The following ZNF512B variants were observed in gnomAD, a reference collection of about 807,000 sequenced individuals.
ZNF512B encodes the protein zinc finger protein 512B.
In ZNF512B, 22 loss-of-function variants were observed where a neutral mutation model predicts 87.8. That is an observed-to-expected ratio of 0.25 (90% CI 0.18 to 0.36). ZNF512B has a LOEUF of 0.36. Among genes scored for constraint, ZNF512B ranks in the 10% least tolerant of loss-of-function variants. The pLI is 1.00. For missense variants in ZNF512B, 1,060 were observed against 1,231.6 expected (o/e 0.86, Z 2.09); for synonymous variants, 524 against 490.9 (o/e 1.07, Z -0.89).
rs931893559 is a variant in ZNF512B at position 63,959,186 on chromosome 20, G to A, written c.*702C>T. ...CAAAACCCCTCCCTTGCCCCAAGCTGGGAGAATTACAGACAGGCCTGGGGG... is the reference window on the plus strand; with the variant it reads ...CAAAACCCCTCCCTTGCCCCAAGCTAGGAGAATTACAGACAGGCCTGGGGG... On this transcript the variant is annotated 3_prime_UTR_variant, in exon 17 of 17. Coordinates refer to ENST00000369888, the MANE Select transcript of ZNF512B (RefSeq NM_020713.3). The A allele has an allele frequency of 6.5e-6, 1 of 152,948 alleles. No individual in the cohort carries two copies. Among genetic ancestry groups the A allele is most frequent in the African/African-American group, 2.4e-5 (1 of 41,466 alleles). The allele number at this position is 152,948 out of a possible 1,614,324, so 9.5% of individuals were successfully genotyped here. A position where few individuals can be genotyped will look rare whatever the true frequency, so the allele number is the denominator to read the frequency against.
In ZNF512B at chr20:63,963,339, G is replaced by A; in HGVS notation, c.1797+3C>T. Reference sequence around the variant, plus strand: ...CCCCACACTGCCGCGGCCCCCCACTGACCTCCTGGGGGCAGCGCAGCCGTC... The same window carrying A: ...CCCCACACTGCCGCGGCCCCCCACTAACCTCCTGGGGGCAGCGCAGCCGTC... On this transcript the variant is annotated splice_donor_region_variant and intron_variant, in intron 11 of 16. Transcript: ENST00000369888. 6.5e-7 allele frequency: 1 copy of A among 1,540,288 alleles called. No homozygotes were observed. Among genetic ancestry groups the A allele is most frequent in the South Asian group, 1.2e-5 (1 of 84,168 alleles).
chr20:63,960,161 T>A (rs376570151), intron 16 of ZNF512B, 22 bp from the exon 17 acceptor site: 5 of 1,612,338 alleles, frequency 3.1e-6, no homozygotes, highest in Non-Finnish European at 4.2e-6. Context: ...AAAGCGCTGA[T>A]GAAGACCTGG....
rs367983860 is a variant in ZNF512B, at chr20:63,962,385, G to A, written c.2164-11C>T. The stretch of plus-strand genomic sequence containing the variant: ...TCGAGTGTAGTTGAGCTGTGAATTC[G>A]ACAGCACCAGGGTGAGCCTGAGGCC... On this transcript the variant is annotated splice_polypyrimidine_tract_variant and intron_variant, in intron 13 of 16. Coordinates refer to ENST00000369888, the MANE Select transcript of ZNF512B (RefSeq NM_020713.3). The A allele has an allele frequency of 7.1e-5, 115 of 1,608,680 alleles. No homozygotes were observed. The African/African-American group carries it at 8.3e-4, about 12-fold the overall frequency.
At position 63,961,368 on chromosome 20, in the gene ZNF512B, G is replaced by T; in HGVS notation, c.2368C>A (p.Pro790Thr). 1 of 1,612,656 alleles carries T rather than the reference G, an allele frequency of 6.2e-7. No homozygotes were observed. The change falls in exon 16 of 17, where the codon CCG becomes ACG. Residue 790 changes from proline to threonine, a missense_variant. Coordinates refer to ENST00000369888, the MANE Select transcript of ZNF512B (RefSeq NM_020713.3). This position sits in a 1 kb window ranked among gnomAD's most constrained non-coding sequence, Gnocchi z 6.4. Reference protein sequence around the residue: ...LAGKYRCLLCPKEFSSESGVK... With the variant: ...LAGKYRCLLCTKEFSSESGVK... ...CCACTCTCAGAACTGAACTCCTTCG[G>T]ACACAGCAGACAGCGGTACTTCCCT...
rs1422609884 is a variant in ZNF512B at position 63,966,784 on chromosome 20, G to A, written c.394-3C>T. On this transcript the variant is annotated splice_region_variant and splice_polypyrimidine_tract_variant and intron_variant, in intron 4 of 16. Transcript: ENST00000369888. ...GCCAGGCGATCTGAGATGGCACCCT[G>A]GGCAGGGAAGGGAAGGTTTGGGACA... is the stretch of plus-strand genomic sequence containing the variant. The A allele has an allele frequency of 6.3e-7, 1 of 1,598,752 alleles. No individual in the cohort carries two copies. The highest frequency in any genetic ancestry group is 2.2e-5 in the East Asian group (1 of 44,728).
rs910842290 is a variant in ZNF512B, at chr20:63,967,909, C to T, written c.42G>A (p.Gly14=). 1 of 1,612,714 alleles carries T rather than the reference C, an allele frequency of 6.2e-7. No individual in the cohort carries two copies. The highest frequency in any genetic ancestry group is 8.5e-7 in the Non-Finnish European group (1 of 1,179,512). ...CCTTCCCGGGACCACTCTTGCTGGA[C>T]CCCGGGAGCCGACGGCCTCCAACGC... ...PFCVGGRRLP[G]SSKSGPGKDG... Residue 14 remains glycine, a synonymous_variant, in exon 2 of 17, where the codon GGG becomes GGA. Transcript: ENST00000369888.
In ZNF512B at chr20:63,963,198, G is replaced by C. The variant is rs1033969277; in HGVS notation, c.1865C>G (p.Pro622Arg). ...GAAGGAGGGGCTGTCCACCTCGCAG[G>C]GCGGCTTCCCGCAGCGCCGCTGGTG... ...QYHQRRCGKP[P>R]CEVDSPSFPC... Residue 622 changes from proline to arginine, a missense_variant, in exon 12 of 17, where the codon CCC (proline) becomes CGC (arginine). By Grantham distance (103) the Pro-to-Arg change is moderately radical (BLOSUM62 -2). Coordinates refer to ENST00000369888, the MANE Select transcript of ZNF512B (RefSeq NM_020713.3). 4.5e-6 allele frequency: 7 copies of C among 1,547,502 alleles called. No individual in the cohort carries two copies. The highest frequency in any genetic ancestry group is 6.1e-6 in the Non-Finnish European group (7 of 1,150,734).
rs1457104969 is a variant in ZNF512B at position 63,961,100 on chromosome 20, C to T, written c.2427+209G>A. On this transcript the variant is annotated intron_variant, in intron 16 of 16. Transcript: ENST00000369888. The surrounding 1 kb of genome is among the most constrained non-coding windows in gnomAD (Gnocchi z 6.4). Reference sequence around the variant, plus strand: ...GGAAAGGCGGACACCCCGAGGGCAGCTCCAGCTCAGGGTGCAAGCCTCCCA... The same window carrying T: ...GGAAAGGCGGACACCCCGAGGGCAGTTCCAGCTCAGGGTGCAAGCCTCCCA... 6.6e-6 allele frequency among the ~76,000 whole-genome samples: 1 copy of T among 152,198 alleles called. No individual in the cohort carries two copies. Among genetic ancestry groups the T allele is most frequent in the Non-Finnish European group, 1.5e-5 (1 of 68,020 alleles).
At position 63,959,435 on chromosome 20, in the gene ZNF512B, T is replaced by C; in HGVS notation, c.*453A>G. The C allele has an allele frequency of 5.7e-6, 1 of 174,770 alleles. No homozygotes were observed. The highest frequency in any genetic ancestry group is 1.2e-5 in the Non-Finnish European group (1 of 83,464). 10.8% of individuals were successfully genotyped at this position (174,770 alleles called of 1,614,324 possible). On this transcript the variant is annotated 3_prime_UTR_variant, in exon 17 of 17. Coordinates refer to ENST00000369888, the MANE Select transcript of ZNF512B (RefSeq NM_020713.3). Reference sequence around the variant, plus strand: ...GTGTTGGGTGGAGGTGAGGCCAGGATGGTGGCTGCCCGTGCCAGGTTGCTC... The same window carrying C: ...GTGTTGGGTGGAGGTGAGGCCAGGACGGTGGCTGCCCGTGCCAGGTTGCTC...
chr20:63,963,123 T>C lies in ZNF512B; in HGVS notation c.1940A>G (p.Tyr647Cys). ...GGCCGTGTGCTCCGAGCGCACGTGG[T>C]AGTCGTGGCCAGCCTTGGATCGGTA... ...KTYRSKAGHD[Y>C]HVRSEHTAPP... Residue 647 changes from tyrosine (Y) to cysteine (C), a missense_variant, in exon 12 of 17, where the codon TAC (tyrosine) becomes TGC (cysteine). Physicochemically the swap from Tyr to Cys is radical, Grantham distance 194 (BLOSUM62 -2). Transcript: ENST00000369888. 6.4e-7 allele frequency: 1 copy of C among 1,559,606 alleles called. No homozygotes were observed.
Position 63,961,732 on chromosome 20 carries a change from CGTT to C in ZNF512B, c.2328+207_2328+209del, listed in dbSNP as rs1032063738. On this transcript the variant is annotated intron_variant, in intron 15 of 16. Coordinates refer to ENST00000369888, the MANE Select transcript of ZNF512B (RefSeq NM_020713.3). The surrounding 1 kb of genome is among the most constrained non-coding windows in gnomAD (Gnocchi z 6.4). ...GAGCTCCAAGGACAGGACTAGGACT[CGTT>C]GTCTTGTGGCTGGGGTTGGGGCGAG... is the stretch of plus-strand genomic sequence containing the variant. Among the ~76,000 whole-genome samples, 22 of 152,136 alleles carry C rather than the reference CGTT, an allele frequency of 1.4e-4. No individual in the cohort carries two copies. The highest frequency in any genetic ancestry group is 5.1e-4 in the African/African-American group (21 of 41,412).
intron 2 of ZNF512B, 74 bp downstream of exon 2, chr20:63,967,756 C>T: frequency 6.4e-7 from 1 of 1,568,010 alleles, no homozygotes; most frequent in Non-Finnish European, 8.7e-7. Context: ...ACAGGACGCC[C>T]AGGGCAATGG....
intron 1 of ZNF512B, among the ~76,000 whole-genome samples, 173 bp from the exon 2 acceptor site, chr20:63,968,125 G>C (rs866574940): frequency 6.6e-5 from 10 of 152,182 alleles, no homozygotes; most frequent in Admixed American, 2.0e-4. Context: ...TCTGACTTAG[G>C]GGAGGGGCTG....
chr20:63,967,279 C>T, intron 3 of ZNF512B, 102 bp downstream of exon 3: 1 of 1,480,278 alleles, frequency 6.8e-7, no homozygotes, highest in Non-Finnish European at 9.0e-7. Context: ...CATCTTGAGG[C>T]ATAGAGTTGG....
In ZNF512B at chr20:63,960,148, A is replaced by G; in HGVS notation, c.2428-9T>C. 1 of 1,612,658 alleles carries G rather than the reference A, an allele frequency of 6.2e-7. No homozygotes were observed. ...GATGTTCGGAACCAGTTCTGGGGAG[A>G]GAAAAGCGCTGATGAAGACCTGGGA... is the stretch of plus-strand genomic sequence containing the variant. On this transcript the variant is annotated splice_polypyrimidine_tract_variant and intron_variant, in intron 16 of 16. Transcript: ENST00000369888.
chr20:63,967,178 C>T (rs887483206), intron 3 of ZNF512B, among the ~76,000 whole-genome samples, 174 bp from the exon 4 acceptor site: 1 of 152,216 alleles, frequency 6.6e-6, no homozygotes, highest in Admixed American at 6.5e-5. Context: ...GCACAAGACC[C>T]GTTCTAGGAG....
intron 1 of ZNF512B, chr20:63,969,049 G>A (rs927437344): frequency 2.2e-6 from 2 of 906,274 alleles, no homozygotes; most frequent in Non-Finnish European, 2.6e-6. Context: ...AGAGAGCTGA[G>A]GTCAGAGGTC....
intron 3 of ZNF512B, 137 bp downstream of exon 3, chr20:63,967,244 G>C (rs1031678737): frequency 1.2e-5 from 17 of 1,378,358 alleles, no homozygotes; most frequent in Non-Finnish European, 1.7e-5. Context: ...GCCAGGCCAC[G>C]TGAAGTCTGC....
At position 63,967,945 on chromosome 20, in the gene ZNF512B, C is replaced by T. The variant is rs143876277; in HGVS notation, c.6G>A (p.Thr2=). The T allele has an allele frequency of 3.0e-5, 49 of 1,608,724 alleles. No homozygotes were observed. The East Asian group carries it at 9.2e-4, about 30-fold the overall frequency. Residue 2 remains threonine (T), a synonymous_variant, in exon 2 of 17, where the codon ACG becomes ACA. Transcript: ENST00000369888. M[T]DPFCVGGRRL... is the part of the protein sequence containing the mutation. ...GACGGCCTCCAACGCAGAAAGGATCCGTCATCTCTGCAGAGCAAGTAGACA... is the reference window on the plus strand; with the variant it reads ...GACGGCCTCCAACGCAGAAAGGATCTGTCATCTCTGCAGAGCAAGTAGACA...
Sources: gnomAD v4.1 joint callset for allele counts (sites outside exome capture counted in the v4.1 genomes callset) on GRCh38, gnomAD v4.1.1 for gene constraint, Gnocchi (gnomAD v3.1) non-coding constraint, MANE v1.5 for transcripts, NCBI Gene and HGNC (gene_info 2026-07-23, HGNC 2026-07-21) for gene names.